Variants in ATL3 observed in about 807,000 individuals in gnomAD.
ATL3 encodes atlastin GTPase 3.
ATL3 carries 49 observed loss-of-function variants against 69.5 expected under a neutral mutation model. That is an observed-to-expected ratio of 0.71 (90% CI 0.56 to 0.89). ATL3 has a LOEUF of 0.89. ATL3 is among the 40% of genes least tolerant of loss of function. The probability of loss-of-function intolerance (pLI) is 0.00; values close to 1 mark genes in which losing one functional copy is unlikely to be tolerated. For synonymous variants in ATL3, 214 were observed against 224.1 expected (o/e 0.95, Z 0.40); for missense variants, 606 against 645.7 (o/e 0.94, Z 0.67).
At chr11:63,630,701 C>T (rs1479600323) in intron 12 of ATL3, among the ~76,000 whole-genome samples, 2 of 148,474 alleles carry the variant, frequency 1.3e-5, no homozygotes, top group Non-Finnish European at 3.0e-5. Flanking sequence ...GAGGCTGACG[C>T]AAGAGAATCA....
intron 8 of ATL3, among the ~76,000 whole-genome samples, chr11:63,636,801 T>G (rs1489814282): frequency 6.6e-6 from 1 of 151,962 alleles, no homozygotes. Context: ...TGACACTTTC[T>G]GGCTATGACC....
chr11:63,662,332 C>T (rs747109024), intron 1 of ATL3, among the ~76,000 whole-genome samples: 1 of 151,918 alleles, frequency 6.6e-6, no homozygotes, highest in Non-Finnish European at 1.5e-5. Flanking sequence ...GAACTATTTC[C>T]CTAAGAGTAT....
chr11:63,661,916 A>G (rs1940433104), intron 1 of ATL3, among the ~76,000 whole-genome samples: 1 of 150,398 alleles, frequency 6.6e-6, no homozygotes, highest in African/African-American at 2.4e-5. Flanking sequence ...AGAAAGCAAG[A>G]AGGAAATTCA....
rs1433771570 is a variant in ATL3 at position 63,643,441 on chromosome 11, A to G, written c.766T>C (p.Cys256Arg). The change falls in exon 8 of 13, where the codon TGT becomes CGT. Residue 256 changes from cysteine (C) to arginine (R), a missense_variant. By Grantham distance (180) the Cys-to-Arg change is radical. Coordinates refer to ENST00000398868, the MANE Select transcript of ATL3 (RefSeq NM_015459.5). Reference protein sequence around the residue: ...IQNVRNHIHSCFSDVTCFLLP... With the variant: ...IQNVRNHIHSRFSDVTCFLLP... The stretch of plus-strand genomic sequence containing the variant: ...AGAAAGCAGGTGACATCGGAGAAAC[A>G]TGAGTGAATGTGATTTCGAACATTC... The G allele has an allele frequency of 6.2e-7, 1 of 1,612,942 alleles. No individual in the cohort carries two copies. The highest frequency in any genetic ancestry group is 8.5e-7 in the Non-Finnish European group (1 of 1,179,464).
intron 12 of ATL3, among the ~76,000 whole-genome samples, chr11:63,630,706 G>T (rs1939283087): frequency 6.7e-6 from 1 of 148,540 alleles, no homozygotes; most frequent in Non-Finnish European, 1.5e-5. Context: ...TGACGCAAGA[G>T]AATCACTTGA....
intron 10 of ATL3, among the ~76,000 whole-genome samples, chr11:63,633,964 G>A (rs1168123499): frequency 1.3e-5 from 2 of 149,374 alleles, no homozygotes; most frequent in Non-Finnish European, 3.0e-5. Flanking sequence ...GAACCCAGGA[G>A]GTAGAGGTTG....
chr11:63,643,265 T>C, intron 8 of ATL3, 92 bp downstream of exon 8: 1 of 1,365,872 alleles, frequency 7.3e-7, no homozygotes, highest in Non-Finnish European at 9.9e-7. Context: ...GAGCATACCA[T>C]TTTTCTTAAG....
In ATL3 at chr11:63,662,858, C is replaced by G. The variant is rs539043144; in HGVS notation, c.47-3606G>C. 1.6e-4 allele frequency among the ~76,000 whole-genome samples: 24 copies of G among 152,098 alleles called. No homozygotes were observed. The South Asian group carries it at 4.8e-3, about 30-fold the overall frequency. ...GCAGACATGGCCAAAATCACAGCGA[C>G]ACAGTACCCAGCCAAGAAGTCCATT... On this transcript the variant is annotated intron_variant, in intron 1 of 12. Transcript: ENST00000398868.
chr11:63,644,975 G>A, intron 6 of ATL3, among the ~76,000 whole-genome samples: 1 of 152,172 alleles, frequency 6.6e-6, no homozygotes, highest in Non-Finnish European at 1.5e-5. Context: ...CAGCTACTTG[G>A]GAGGCTGAGG....
At chr11:63,650,893 A>G (rs1457300006) in intron 5 of ATL3, 1 of 152,258 alleles carries the variant, frequency 6.6e-6, no homozygotes, top group Non-Finnish European at 1.5e-5. Flanking sequence ...AGAACTACCA[A>G]TTATGAAGTA....
chr11:63,658,951 T>C (rs1940340331), intron 2 of ATL3, 47 bp from the exon 3 acceptor site: 6 of 1,580,788 alleles, frequency 3.8e-6, no homozygotes, highest in South Asian at 2.3e-5. Flanking sequence ...AAAAATTTTA[T>C]GCATCAAGGA....
At chr11:63,653,775 A>C (rs554912731) in intron 3 of ATL3, among the ~76,000 whole-genome samples, 1 of 152,342 alleles carries the variant, frequency 6.6e-6, no homozygotes, top group South Asian at 2.1e-4. Flanking sequence ...ACTATATGAC[A>C]TTCTGGTAAA....
chr11:63,659,856 G>C (rs2134526030), intron 1 of ATL3, among the ~76,000 whole-genome samples: 2 of 152,102 alleles, frequency 1.3e-5, no homozygotes, highest in East Asian at 3.9e-4. Flanking sequence ...AGAATAACTT[G>C]AAACTGGGAG....
At position 63,636,256 on chromosome 11, in the gene ATL3, T is replaced by C; in HGVS notation, c.929A>G (p.Glu310Gly). 3.1e-6 allele frequency: 5 copies of C among 1,614,170 alleles called. No individual in the cohort carries two copies. The highest frequency in any genetic ancestry group is 4.2e-6 in the Non-Finnish European group (5 of 1,180,026). ...VLNPSKLMEK[E>G]INGSKVTCRG... is the part of the protein sequence containing the mutation. Reference sequence around the variant, plus strand: ...ACAGGTGACCTTTGAGCCATTGATCTCCTTTTCCATTAACTTAGATGGGTT... The same window carrying C: ...ACAGGTGACCTTTGAGCCATTGATCCCCTTTTCCATTAACTTAGATGGGTT... The change falls in exon 9 of 13, where the codon GAG becomes GGG. Residue 310 changes from glutamate to glycine, a missense_variant. Physicochemically the swap from Glu to Gly is moderately conservative, Grantham distance 98. Coordinates refer to ENST00000398868, the MANE Select transcript of ATL3 (RefSeq NM_015459.5).
At chr11:63,666,654 T>A (rs527336035) in intron 1 of ATL3, among the ~76,000 whole-genome samples, 6 of 145,114 alleles carry the variant, frequency 4.1e-5, no homozygotes, top group Admixed American at 4.1e-4. Flanking sequence ...AAGTGATCTA[T>A]CCACCTCAGA....
chr11:63,635,508 G>C, intron 10 of ATL3, 26 bp downstream of exon 10: 2 of 1,597,328 alleles, frequency 1.3e-6, no homozygotes, highest in Admixed American at 1.7e-5. Context: ...TAAGGGTAGC[G>C]TTTAGGATGT....
At chr11:63,646,710 C>T (rs778361044) in intron 5 of ATL3, 147 bp from the exon 6 acceptor site, 8 of 494,644 alleles carry the variant, frequency 1.6e-5, no homozygotes, top group Non-Finnish European at 2.9e-5. Context: ...TTAAAATCAT[C>T]TTGGTTATTC....
chr11:63,656,659 G>A (rs1394871328), intron 3 of ATL3, among the ~76,000 whole-genome samples: 2 of 151,342 alleles, frequency 1.3e-5, no homozygotes, highest in African/African-American at 2.4e-5. Flanking sequence ...GCTTGAACCC[G>A]GGAGGCAGAG....
intron 6 of ATL3, among the ~76,000 whole-genome samples, chr11:63,645,010 G>A (rs1939822351): frequency 6.6e-6 from 1 of 152,140 alleles, no homozygotes; most frequent in Non-Finnish European, 1.5e-5. Flanking sequence ...GAACCCAGGA[G>A]GAGGAGGTTG....
Sources: gnomAD v4.1 joint callset for allele counts (sites outside exome capture counted in the v4.1 genomes callset) on GRCh38, gnomAD v4.1.1 for gene constraint, MANE v1.5 for transcripts, NCBI Gene and HGNC (gene_info 2026-07-23, HGNC 2026-07-21) for gene names.